Variants in SYN3 observed in about 807,000 individuals in gnomAD.
The protein encoded by SYN3 is synapsin-3.
Under a neutral mutation model 65.8 loss-of-function variants are expected in SYN3, and 35 were observed. The observed-to-expected ratio is 0.53, with a 90% confidence interval of 0.41 to 0.70. SYN3 has a LOEUF of 0.70. Ranked by LOEUF, SYN3 falls within the 30% of genes least tolerant of loss-of-function variation. The pLI is 0.00. For synonymous variants in SYN3, 270 were observed against 292.9 expected, an observed-to-expected ratio of 0.92 and a Z score of 0.80; for missense variants, 680 against 749.0, an observed-to-expected ratio of 0.91 and a Z score of 1.08.
intron 6 of SYN3, among the ~76,000 whole-genome samples, chr22:32,798,893 A>G (rs1224089001): frequency 6.6e-6 from 1 of 151,738 alleles, no homozygotes; most frequent in African/African-American, 2.4e-5. Flanking sequence ...GGGTTTCACC[A>G]TGTTAGCCAG....
intron 3 of SYN3, among the ~76,000 whole-genome samples, chr22:32,933,590 A>G (rs191081933): frequency 3.9e-5 from 6 of 152,110 alleles, no homozygotes; most frequent in African/African-American, 1.2e-4. Flanking sequence ...CACCACACCC[A>G]GCTAATTTTT....
intron 6 of SYN3, among the ~76,000 whole-genome samples, chr22:32,597,414 C>T (rs532785022): frequency 2.0e-5 from 3 of 152,088 alleles, no homozygotes; most frequent in East Asian, 1.9e-4. Context: ...TGGGGTTTCA[C>T]CATGTTGGCC....
chr22:32,994,449 C>T (rs1484455366), intron 2 of SYN3, among the ~76,000 whole-genome samples: 3 of 152,156 alleles, frequency 2.0e-5, no homozygotes, highest in Non-Finnish European at 4.4e-5. Flanking sequence ...CTTCATTAGG[C>T]CCTTCCTATC....
At position 32,890,619 on chromosome 22, in the gene SYN3, A is replaced by T. The variant is rs147780977; in HGVS notation, c.462-21494T>A. On this transcript the variant is annotated intron_variant, in intron 4 of 13. Coordinates refer to ENST00000358763, the MANE Select transcript of SYN3 (RefSeq NM_003490.4). ...ATGGTCTTGATCTCCTGACCTCGTG[A>T]TCTGCCCGCCTCGGCCTCCCAAAGT... Among the ~76,000 whole-genome samples the T allele has an allele frequency of 3.3e-3, 495 of 151,688 alleles. 8 individuals are homozygous for T. In the East Asian group the frequency reaches 0.033, roughly 10 times the overall value.
rs548813856 is a variant in SYN3 at position 32,905,005 on chromosome 22, C to A, written c.461+26385G>T. Among the ~76,000 whole-genome samples the A allele has an allele frequency of 2.7e-4, 41 of 152,172 alleles. No individual in the cohort carries two copies. The South Asian group carries it at 7.9e-3, about 29-fold the overall frequency. ...TGTGTTCTGTGGTTCAGATGAGAAC[C>A]CCCAATTGCAAGCCCCTTCCCCTCT... is the stretch of plus-strand genomic sequence containing the variant. On this transcript the variant is annotated intron_variant, in intron 4 of 13. Coordinates refer to ENST00000358763, the MANE Select transcript of SYN3 (RefSeq NM_003490.4).
At chr22:32,793,823 T>A (rs1403873726) in intron 6 of SYN3, among the ~76,000 whole-genome samples, 1 of 152,236 alleles carries the variant, frequency 6.6e-6, no homozygotes, top group African/African-American at 2.4e-5. Flanking sequence ...TGCTTGTGCT[T>A]AGCCATCTGT....
intron 3 of SYN3, among the ~76,000 whole-genome samples, chr22:32,958,500 G>C (rs2051538415): frequency 6.6e-6 from 1 of 152,136 alleles, no homozygotes; most frequent in African/African-American, 2.4e-5. Flanking sequence ...CACTAGATGT[G>C]GTAGCTGTAT....
intron 6 of SYN3, among the ~76,000 whole-genome samples, chr22:32,710,111 ATGTGTGTG>A (rs55824039): frequency 7.4e-6 from 1 of 135,218 alleles, no homozygotes; most frequent in Non-Finnish European, 1.6e-5. Flanking sequence ...GTGTGTGTGT[ATGTGTGTG>A]TGTGTGTGTG....
intron 6 of SYN3, among the ~76,000 whole-genome samples, chr22:32,687,455 G>A (rs902625455): frequency 3.3e-5 from 5 of 151,546 alleles, no homozygotes; most frequent in East Asian, 1.9e-4. Context: ...TGAGCACCAC[G>A]CCCGGCCGGT....
chr22:32,944,410 A>T (rs2051039402), intron 3 of SYN3, among the ~76,000 whole-genome samples: 1 of 152,200 alleles, frequency 6.6e-6, no homozygotes, highest in Admixed American at 6.5e-5. Context: ...AATAAACGTA[A>T]TCCAGCATAT....
intron 6 of SYN3, among the ~76,000 whole-genome samples, chr22:32,615,100 G>T (rs1049204660): frequency 6.6e-6 from 1 of 152,120 alleles, no homozygotes; most frequent in Admixed American, 6.5e-5. Flanking sequence ...TTTGATCCTC[G>T]CAATGACTCT....
intron 6 of SYN3, among the ~76,000 whole-genome samples, chr22:32,756,910 G>A (rs142135048): frequency 1.2e-3 from 182 of 152,286 alleles, no homozygotes; most frequent in Non-Finnish European, 1.7e-3. Context: ...CAACTGAAAT[G>A]TTTCATTAAC....
intron 6 of SYN3, among the ~76,000 whole-genome samples, chr22:32,734,746 C>T (rs2061316019): frequency 1.3e-5 from 2 of 152,294 alleles, no homozygotes; most frequent in Non-Finnish European, 2.9e-5. Context: ...ACAGGACATT[C>T]CCCCTAGGTC....
intron 4 of SYN3, among the ~76,000 whole-genome samples, chr22:32,914,438 G>GTTT (rs137545): frequency 1.7e-5 from 2 of 119,604 alleles, no homozygotes; most frequent in African/African-American, 3.1e-5. Flanking sequence ...ATCATGTGGA[G>GTTT]TTTTTTTTTT....
At chr22:32,656,804 G>A (rs1182204390) in intron 6 of SYN3, among the ~76,000 whole-genome samples, 2 of 152,218 alleles carry the variant, frequency 1.3e-5, no homozygotes, top group African/African-American at 2.4e-5. Context: ...GGAGGAAGAC[G>A]GGATGTAGGG....
chr22:32,533,720 T>G (rs1240785343), intron 10 of SYN3, 73 bp downstream of exon 10: 1 of 1,048,702 alleles, frequency 9.5e-7, no homozygotes, highest in Non-Finnish European at 1.5e-6. Context: ...CCAAAGACCA[T>G]GCAGGGATTC....
intron 6 of SYN3, among the ~76,000 whole-genome samples, chr22:32,664,757 A>AT (rs2060266088): frequency 6.6e-6 from 1 of 150,972 alleles, no homozygotes; most frequent in African/African-American, 2.4e-5. Context: ...AGCCCGGCTA[A>AT]TTTTTTGTGT....
chr22:32,931,529 G>A (rs771808787), intron 3 of SYN3, 48 bp from the exon 4 acceptor site: 15 of 1,320,448 alleles, frequency 1.1e-5, no homozygotes, highest in Non-Finnish European at 1.5e-5. Flanking sequence ...TACCAACGGT[G>A]GTAACAACGG....
In SYN3 at chr22:32,644,755, G is replaced by C. The variant is rs556625830; in HGVS notation, c.712-48019C>G. Among the ~76,000 whole-genome samples, 8 of 152,306 alleles carry C rather than the reference G, an allele frequency of 5.3e-5. No individual in the cohort carries two copies. The East Asian group carries it at 1.5e-3, about 29-fold the overall frequency. ...AATCCCCTTTGGAAGAGCAGCAGCG[G>C]CCTCTATCCCGTGGCCTCCTCCCTC... On this transcript the variant is annotated intron_variant, in intron 6 of 13. Transcript: ENST00000358763.
Sources: gnomAD v4.1 joint callset for allele counts (sites outside exome capture counted in the v4.1 genomes callset) on GRCh38, gnomAD v4.1.1 for gene constraint, MANE v1.5 for transcripts, NCBI Gene and HGNC (gene_info 2026-07-23, HGNC 2026-07-21) for gene names.